The following CIBAR1 variants were observed in gnomAD, a reference collection of about 807,000 sequenced individuals.
CIBAR1 encodes the protein CBY1-interacting BAR domain-containing protein 1.
Under a neutral mutation model 44.0 loss-of-function variants are expected in CIBAR1, and 25 were observed. The ratio of observed to expected loss-of-function variants is 0.57; its 90% confidence interval spans 0.41 to 0.79. CIBAR1 has a LOEUF of 0.79. Among genes scored for constraint, CIBAR1 ranks in the 30% least tolerant of loss-of-function variants. CIBAR1 has a pLI of 0.00. For synonymous variants in CIBAR1, 115 were observed against 119.0 expected, an observed-to-expected ratio of 0.97 and a Z score of 0.22; for missense variants, 278 against 344.8, an observed-to-expected ratio of 0.81 and a Z score of 1.53.
rs1811770052 is a variant in CIBAR1 at position 93,731,011 on chromosome 8, T to C, written c.*2714T>C. On this transcript the variant is annotated 3_prime_UTR_variant, in exon 9 of 9. Transcript: ENST00000518322. ...CTCTGTCTCTACAAATAATAAAAAA[T>C]TTAGCCAGACAAGGTGGCACACACC... 1 of 151,976 alleles carries C rather than the reference T, an allele frequency of 6.6e-6. No homozygotes were observed. Among genetic ancestry groups the C allele is most frequent in the African/African-American group, 2.4e-5 (1 of 41,350 alleles). 9.4% of individuals were successfully genotyped at this position (151,976 alleles called of 1,614,324 possible).
intron 6 of CIBAR1, among the ~76,000 whole-genome samples, chr8:93,715,144 C>G (rs1376277852): frequency 6.6e-6 from 1 of 152,144 alleles, no homozygotes; most frequent in Non-Finnish European, 1.5e-5. Flanking sequence ...TTCATAGGAA[C>G]TTTGCAGAGT....
chr8:93,706,736 C>T (rs983706827), intron 4 of CIBAR1, among the ~76,000 whole-genome samples: 5 of 152,126 alleles, frequency 3.3e-5, no homozygotes, highest in African/African-American at 7.2e-5. Flanking sequence ...AGATTACTGC[C>T]ACAGGTGAGT....
chr8:93,708,015 AG>A lies in CIBAR1; in HGVS notation c.438+1del. On this transcript the variant is annotated frameshift_variant and splice_region_variant, in exon 5 of 9. Transcript: ENST00000518322. LOFTEE classifies it high-confidence loss of function. The part of the protein sequence containing the change: ...RNPSDRHVIS[Q>X]AETELQRAAM... ...TTCCTTTATGAAAAATTTCAGTCACAGGTGGGTAATAAAGTGGTGTGTCAAG... is the reference window on the plus strand; with the variant it reads ...TTCCTTTATGAAAAATTTCAGTCACAGTGGGTAATAAAGTGGTGTGTCAAG... The A allele has an allele frequency of 6.4e-7, 1 of 1,568,156 alleles. No homozygotes were observed. Among genetic ancestry groups the A allele is most frequent in the South Asian group, 1.2e-5 (1 of 85,460 alleles).
At chr8:93,713,258 C>T (rs1185098640) in intron 6 of CIBAR1, among the ~76,000 whole-genome samples, 1 of 152,008 alleles carries the variant, frequency 6.6e-6, no homozygotes, top group Admixed American at 6.6e-5. Flanking sequence ...GTCGTGAACT[C>T]CTGACCTCAG....
At chr8:93,724,335 A>T (rs1427493081) in intron 7 of CIBAR1, among the ~76,000 whole-genome samples, 9 of 152,076 alleles carry the variant, frequency 5.9e-5, no homozygotes, top group Non-Finnish European at 8.8e-5. Context: ...TATATATAAA[A>T]TTTTTTTTAA....
chr8:93,717,074 C>G (rs566960419), intron 6 of CIBAR1, among the ~76,000 whole-genome samples: 69 of 152,342 alleles, frequency 4.5e-4, no homozygotes, highest in Middle Eastern at 3.4e-3. Context: ...GTCTGGGACA[C>G]CTGGACCCAA....
At chr8:93,711,344 A>G (rs1478653292) in intron 6 of CIBAR1, among the ~76,000 whole-genome samples, 1 of 152,218 alleles carries the variant, frequency 6.6e-6, no homozygotes, top group Non-Finnish European at 1.5e-5. Flanking sequence ...ATTATCTGCC[A>G]CTTAATTATA....
At chr8:93,708,656 T>G (rs976792175) in intron 5 of CIBAR1, among the ~76,000 whole-genome samples, 1 of 152,188 alleles carries the variant, frequency 6.6e-6, no homozygotes, top group African/African-American at 2.4e-5. Context: ...TGTAACATGG[T>G]TGTCTTGTAA....
chr8:93,705,073 T>C (rs770556342), intron 4 of CIBAR1, 63 bp downstream of exon 4: 5 of 1,056,426 alleles, frequency 4.7e-6, no homozygotes, highest in South Asian at 1.4e-5. Flanking sequence ...AGTAAATGTA[T>C]ATAGAAATTG....
chr8:93,708,091 TC>T, intron 5 of CIBAR1, 75 bp downstream of exon 5: 2 of 1,206,264 alleles, frequency 1.7e-6, no homozygotes, highest in Non-Finnish European at 2.3e-6. Context: ...TTATACATTT[TC>T]TTGAAAAAGA....
At chr8:93,710,007 G>A (rs528621687) in intron 6 of CIBAR1, 132 bp downstream of exon 6, 16 of 646,444 alleles carry the variant, frequency 2.5e-5, no homozygotes, top group South Asian at 1.6e-4. Context: ...ATAAGGGGGC[G>A]GGCACAGTGG....
chr8:93,727,046 A>T, intron 8 of CIBAR1: 1 of 517,110 alleles, frequency 1.9e-6, no homozygotes, highest in Non-Finnish European at 3.5e-6. Flanking sequence ...TATGGTTTCT[A>T]CCCCAACAAC....
In CIBAR1 at chr8:93,728,892, T is replaced by G. The variant is rs761155647; in HGVS notation, c.*595T>G. 6.6e-6 allele frequency: 1 copy of G among 152,132 alleles called. No individual in the cohort carries two copies. Among genetic ancestry groups the G allele is most frequent in the Non-Finnish European group, 1.5e-5 (1 of 67,966 alleles). 9.4% of individuals were successfully genotyped at this position (152,132 alleles called of 1,614,324 possible). The stretch of plus-strand genomic sequence containing the variant: ...TCAGCTGTAAAAAAGCTACATTCAA[T>G]CTGACTCTGGTTTTAAAACAAAACT... On this transcript the variant is annotated 3_prime_UTR_variant, in exon 9 of 9. Transcript: ENST00000518322.
chr8:93,710,448 G>A (rs1810778854), intron 6 of CIBAR1, among the ~76,000 whole-genome samples: 1 of 151,990 alleles, frequency 6.6e-6, no homozygotes, highest in African/African-American at 2.4e-5. Context: ...TTTAATCAAG[G>A]GGAACTAACA....
intron 6 of CIBAR1, among the ~76,000 whole-genome samples, chr8:93,714,266 C>T (rs1464734355): frequency 2.0e-5 from 3 of 152,104 alleles, no homozygotes; most frequent in African/African-American, 7.2e-5. Flanking sequence ...TTCAGATTGT[C>T]ACAAATGTAT....
Position 93,726,501 on chromosome 8 carries a change from T to C in CIBAR1, c.765T>C (p.Ser255=), listed in dbSNP as rs532027957. 1 of 1,613,678 alleles carries C rather than the reference T, an allele frequency of 6.2e-7. No homozygotes were observed. Among genetic ancestry groups the C allele is most frequent in the East Asian group, 2.2e-5 (1 of 44,842 alleles). The part of the protein sequence containing the change: ...LQRSLSAKCV[S]GTGQVSTCRL... ...GATCACTGTCAGCTAAGTGTGTATC[T>C]GGAACAGGACAGGTGAGCAAGAAAC... The change falls in exon 8 of 9, where the codon TCT becomes TCC. Residue 255 remains serine (S), a synonymous_variant. Coordinates refer to ENST00000518322, the MANE Select transcript of CIBAR1 (RefSeq NM_145269.5).
At chr8:93,701,172 C>G in intron 1 of CIBAR1, 52 bp from the exon 2 acceptor site, 1 of 1,566,804 alleles carries the variant, frequency 6.4e-7, no homozygotes, top group Non-Finnish European at 8.7e-7. Flanking sequence ...TAACGTGAAG[C>G]CTTCTCATCT....
In CIBAR1 at chr8:93,701,381, G is replaced by GA; in HGVS notation, c.185dup (p.Thr63AspfsTer14). ...TGAAATTAACGCGTATGCTGCTACA[G>GA]AGACCCCGCATTTAAAGCTGGGCCT... On this transcript the variant is annotated frameshift_variant, in exon 2 of 9. Transcript: ENST00000518322. LOFTEE classifies it high-confidence loss of function. 6.2e-7 allele frequency: 1 copy of GA among 1,613,858 alleles called. No individual in the cohort carries two copies. Among genetic ancestry groups the GA allele is most frequent in the African/African-American group, 1.3e-5 (1 of 75,014 alleles).
rs1470779258 is a variant in CIBAR1 at position 93,700,629 on chromosome 8, CG to C, written c.-17del. On this transcript the variant is annotated 5_prime_UTR_variant, in exon 1 of 9. Transcript: ENST00000518322. ...CGTCCTTGGGCCCCCGCAAGGTCCC[CG>C]GCCGTGCGCGAGGCAGCATGATGAG... 2 of 1,498,494 alleles carry C rather than the reference CG, an allele frequency of 1.3e-6. No individual in the cohort carries two copies. Among genetic ancestry groups the C allele is most frequent in the Non-Finnish European group, 1.8e-6 (2 of 1,125,026 alleles). 92.8% of individuals were successfully genotyped at this position (1,498,494 alleles called of 1,614,324 possible). A position where few individuals can be genotyped will look rare whatever the true frequency, so the allele number is the denominator to read the frequency against.
Sources: gnomAD v4.1 joint callset for allele counts (sites outside exome capture counted in the v4.1 genomes callset) on GRCh38, gnomAD v4.1.1 for gene constraint, MANE v1.5 for transcripts, NCBI Gene and HGNC (gene_info 2026-07-23, HGNC 2026-07-21) for gene names.